The following ZC2HC1C variants were observed in gnomAD, a reference collection of about 807,000 sequenced individuals.
ZC2HC1C encodes zinc finger C2HC domain-containing protein 1C.
Under a neutral mutation model 39.2 loss-of-function variants are expected in ZC2HC1C, and 25 were observed. That is an observed-to-expected ratio of 0.64 (90% CI 0.47 to 0.89). ZC2HC1C has a LOEUF of 0.89. Among genes scored for constraint, ZC2HC1C ranks in the 40% least tolerant of loss-of-function variants. The pLI is 0.00. For missense variants in ZC2HC1C, 519 were observed against 548.6 expected (o/e 0.95, Z 0.54); for synonymous variants, 209 against 214.4 (o/e 0.97, Z 0.22).
chr14:75,076,833 G>T (rs1893694150), intron 2 of ZC2HC1C, among the ~76,000 whole-genome samples: 1 of 151,998 alleles, frequency 6.6e-6, no homozygotes, highest in Non-Finnish European at 1.5e-5. Context: ...ATGATTCCTG[G>T]CTGTCCTTTC....
chr14:75,074,580 G>A (rs563512419), intron 2 of ZC2HC1C, among the ~76,000 whole-genome samples: 1 of 150,224 alleles, frequency 6.7e-6, no homozygotes, highest in Admixed American at 6.6e-5. Flanking sequence ...TTTTTGTTTT[G>A]TTTTGTTTTT....
In ZC2HC1C at chr14:75,071,378, C is replaced by T. The variant is rs778124699; in HGVS notation, c.805C>T (p.Pro269Ser). 7 of 1,613,960 alleles carry T rather than the reference C, an allele frequency of 4.3e-6. No individual in the cohort carries two copies. Among genetic ancestry groups the T allele is most frequent in the African/African-American group, 4.0e-5 (3 of 74,862 alleles). The stretch of plus-strand genomic sequence containing the variant: ...CGGAGAGCTACAGAAAATTATACTC[C>T]CCAGGAGCAGAGTTAAAGGTAATAA... ...ENGELQKIIL[P>S]RSRVKGNKSN... Residue 269 changes from proline (P) to serine (S), a missense_variant, in exon 2 of 3, where the codon CCC becomes TCC. Pro to Ser is a moderately conservative substitution (Grantham distance 74). Transcript: ENST00000524913.
chr14:75,074,578 T>G (rs1427229562), intron 2 of ZC2HC1C, among the ~76,000 whole-genome samples: 1 of 151,996 alleles, frequency 6.6e-6, no homozygotes. Context: ...TTTTTTTGTT[T>G]TGTTTTGTTT....
rs1893817079 is a variant in ZC2HC1C, at chr14:75,079,837, C to T, written c.*2273C>T. The T allele has an allele frequency of 6.6e-6, 1 of 152,186 alleles. No homozygotes were observed. The highest frequency in any genetic ancestry group is 1.5e-5 in the Non-Finnish European group (1 of 68,042). 9.4% of individuals were successfully genotyped at this position (152,186 alleles called of 1,614,324 possible). On this transcript the variant is annotated 3_prime_UTR_variant, in exon 3 of 3. Coordinates refer to ENST00000524913, the MANE Select transcript of ZC2HC1C (RefSeq NM_024643.4). The stretch of plus-strand genomic sequence containing the variant: ...TACCTTATCTGCCTGGTACCACAGG[C>T]ACTTGGATTTGGGATCGCTGGATGT...
Position 75,071,805 on chromosome 14 carries a change from G to A in ZC2HC1C, c.1232G>A (p.Ser411Asn), listed in dbSNP as rs1348115565. The A allele has an allele frequency of 1.2e-6, 2 of 1,614,092 alleles. No individual in the cohort carries two copies. The highest frequency in any genetic ancestry group is 2.7e-5 in the African/African-American group (2 of 74,932). ...FRLERHSNIC[S>N]RMRGSKRKVF... ...CTGGAGAGACACTCCAACATCTGCA[G>A]CAGGATGCGGGGTTCCAAGAGGAAA... Residue 411 changes from serine (S) to asparagine (N), a missense_variant, in exon 2 of 3, where the codon AGC (serine) becomes AAC (asparagine). By Grantham distance (46) the Ser-to-Asn change is conservative. Transcript: ENST00000524913.
intron 2 of ZC2HC1C, among the ~76,000 whole-genome samples, chr14:75,072,756 CTTTATT>C (rs1283784381): frequency 6.6e-6 from 1 of 152,062 alleles, no homozygotes; most frequent in Admixed American, 6.6e-5. Flanking sequence ...TGCTGACAAA[CTTTATT>C]TTAGTAGTTT....
Position 75,071,781 on chromosome 14 carries a change from T to A in ZC2HC1C, c.1208T>A (p.Leu403Gln), listed in dbSNP as rs143341334. The change falls in exon 2 of 3, where the codon CTG (leucine) becomes CAG (glutamine). Residue 403 changes from leucine to glutamine, a missense_variant. Coordinates refer to ENST00000524913, the MANE Select transcript of ZC2HC1C (RefSeq NM_024643.4). ...GGGCGCAAATTCCTCTCGTTCAGGC[T>A]GGAGAGACACTCCAACATCTGCAGC... ...HCGRKFLSFR[L>Q]ERHSNICSRM... The A allele has an allele frequency of 2.1e-4, 337 of 1,614,170 alleles. 1 individual carries two copies. The East Asian group carries it at 6.9e-3, about 33-fold the overall frequency.
At position 75,079,935 on chromosome 14, in the gene ZC2HC1C, G is replaced by T. The variant is rs1893820420; in HGVS notation, c.*2371G>T. Reference sequence around the variant, plus strand: ...ATATGTGGGGAGTGCTTTCTAAAAAGGAAGCAGTTGTTTGCTCTCATTTTG... The same window carrying T: ...ATATGTGGGGAGTGCTTTCTAAAAATGAAGCAGTTGTTTGCTCTCATTTTG... On this transcript the variant is annotated 3_prime_UTR_variant, in exon 3 of 3. Coordinates refer to ENST00000524913, the MANE Select transcript of ZC2HC1C (RefSeq NM_024643.4). 1 of 152,188 alleles carries T rather than the reference G, an allele frequency of 6.6e-6. No homozygotes were observed. Among genetic ancestry groups the T allele is most frequent in the African/African-American group, 2.4e-5 (1 of 41,442 alleles). The allele number at this position is 152,188 out of a possible 1,614,324, so 9.4% of individuals were successfully genotyped here.
Position 75,071,330 on chromosome 14 carries a change from G to A in ZC2HC1C, c.757G>A (p.Glu253Lys). 6.2e-7 allele frequency: 1 copy of A among 1,614,108 alleles called. No homozygotes were observed. Residue 253 changes from glutamate (E) to lysine (K), a missense_variant, in exon 2 of 3, where the codon GAA becomes AAA. Glu to Lys is a moderately conservative substitution (Grantham distance 56). Coordinates refer to ENST00000524913, the MANE Select transcript of ZC2HC1C (RefSeq NM_024643.4). Reference protein sequence around the residue: ...EELRRIQTQKEQAKENENGEL... With the variant: ...EELRRIQTQKKQAKENENGEL... ...ACTCAGAAGGATCCAGACGCAAAAG[G>A]AACAGGCCAAGGAAAATGAAAACGG...
chr14:75,076,514 C>A (rs2139685955), intron 2 of ZC2HC1C, among the ~76,000 whole-genome samples: 1 of 152,334 alleles, frequency 6.6e-6, no homozygotes, highest in Non-Finnish European at 1.5e-5. Flanking sequence ...GTGATCTCCC[C>A]ACGTTGGCCT....
chr14:75,077,429 T>C (rs1893727712), intron 2 of ZC2HC1C, 103 bp from the exon 3 acceptor site: 1 of 1,475,582 alleles, frequency 6.8e-7, no homozygotes, highest in African/African-American at 1.4e-5. Context: ...CTCTTTGACC[T>C]TGCAGATTAG....
At chr14:75,070,426 C>T in intron 1 of ZC2HC1C, 129 bp from the exon 2 acceptor site, 1 of 1,102,624 alleles carries the variant, frequency 9.1e-7, no homozygotes, top group Non-Finnish European at 1.3e-6. Flanking sequence ...TTTGGCAGGT[C>T]CAGCAACACT....
chr14:75,073,461 A>T, intron 2 of ZC2HC1C: 1 of 611,124 alleles, frequency 1.6e-6, no homozygotes, highest in Non-Finnish European at 2.6e-6. Context: ...CTCCAGCTTT[A>T]TGGCAACTAG....
intron 2 of ZC2HC1C, chr14:75,073,599 T>C (rs1398340154): frequency 7.8e-7 from 1 of 1,289,388 alleles, no homozygotes; most frequent in Non-Finnish European, 1.0e-6. Flanking sequence ...TGAGTGGTTG[T>C]ACCTTCCTGT....
Position 75,076,516 on chromosome 14 carries a change from C to T in ZC2HC1C, c.1339-1016C>T, listed in dbSNP as rs558900277. 8.9e-4 allele frequency among the ~76,000 whole-genome samples: 135 copies of T among 152,338 alleles called. No homozygotes were observed. The South Asian group carries it at 0.016, about 18-fold the overall frequency. On this transcript the variant is annotated intron_variant, in intron 2 of 2. Transcript: ENST00000524913. ...ATTTCCTGACCTTGTGATCTCCCCA[C>T]GTTGGCCTCCCAAAGTGCTGGGATT...
At chr14:75,076,491 A>G (rs1481253135) in intron 2 of ZC2HC1C, among the ~76,000 whole-genome samples, 3 of 152,116 alleles carry the variant, frequency 2.0e-5, no homozygotes, top group African/African-American at 7.2e-5. Context: ...GATGGTCTTG[A>G]TTTCCTGACC....
chr14:75,073,548 A>C lies in ZC2HC1C; in HGVS notation c.1338+1637A>C, dbSNP rs147080638. ...AAGATGCACCTGCACCACCCTGGTA[A>C]TGTCTCAAATCTTATTCCACAGTGC... is the stretch of plus-strand genomic sequence containing the variant. On this transcript the variant is annotated intron_variant, in intron 2 of 2. Transcript: ENST00000524913. The C allele has an allele frequency of 9.3e-5, 120 of 1,288,616 alleles. 1 individual carries two copies. The African/African-American group carries it at 1.5e-3, about 16-fold the overall frequency. 79.8% of individuals were successfully genotyped at this position (1,288,616 alleles called of 1,614,324 possible). A position where few individuals can be genotyped will look rare whatever the true frequency, so the allele number is the denominator to read the frequency against.
chr14:75,077,005 A>G (rs191595591), intron 2 of ZC2HC1C, among the ~76,000 whole-genome samples: 2 of 152,254 alleles, frequency 1.3e-5, no homozygotes, highest in Admixed American at 6.5e-5. Flanking sequence ...GAGGATGCCA[A>G]TATGCTTGGT....
intron 2 of ZC2HC1C, among the ~76,000 whole-genome samples, chr14:75,076,046 G>A (rs1893651531): frequency 5.3e-5 from 8 of 152,056 alleles, no homozygotes; most frequent in Non-Finnish European, 1.2e-4. Flanking sequence ...GACAAAGCAA[G>A]ACTCCATCTC....
Sources: allele counts gnomAD v4.1 joint callset (sites outside exome capture counted in the v4.1 genomes callset), GRCh38; gene constraint gnomAD v4.1.1; transcripts MANE v1.5; gene names NCBI Gene and HGNC (gene_info 2026-07-23, HGNC 2026-07-21).